ITPR3: variants seen among roughly 807,000 people sequenced by gnomAD.
The protein encoded by ITPR3 is inositol 1,4,5-trisphosphate-gated calcium channel ITPR3.
ITPR3 carries 173 observed loss-of-function variants against 293.2 expected under a neutral mutation model. The ratio of observed to expected loss-of-function variants is 0.59; its 90% CI spans 0.52 to 0.67. The LOEUF (loss-of-function observed/expected upper bound fraction) is 0.67, where lower values mean the gene tolerates loss of function less well. Ranked by LOEUF, ITPR3 falls within the 30% of genes least tolerant of loss-of-function variation. The pLI, the probability that ITPR3 is intolerant of heterozygous loss-of-function variation, is 0.00. For missense variants in ITPR3, 2,796 were observed against 3,592.1 expected (o/e 0.78, Z 5.66); for synonymous variants, 1,295 against 1,444.4 (o/e 0.90, Z 2.35).
At position 33,633,651 on chromosome 6, in the gene ITPR3, A is replaced by G. The variant is rs1247569718; in HGVS notation, c.90-6833A>G. 6.6e-6 allele frequency among the ~76,000 whole-genome samples: 1 copy of G among 150,628 alleles called. No homozygotes were observed. Among genetic ancestry groups the G allele is most frequent in the African/African-American group, 2.4e-5 (1 of 41,212 alleles). ...CGTCCTGGCAGCGGCCGGCAGTCGGAGGCAGGCCGGGGCGAGGCCGCGCTG... is the reference window on the plus strand; with the variant it reads ...CGTCCTGGCAGCGGCCGGCAGTCGGGGGCAGGCCGGGGCGAGGCCGCGCTG... On this transcript the variant is annotated intron_variant, in intron 1 of 57. Coordinates refer to ENST00000605930, the MANE Select transcript of ITPR3 (RefSeq NM_002224.4). The surrounding 1 kb of genome is among the most constrained non-coding windows in gnomAD (Gnocchi z 5.2).
chr6:33,651,618 G>A (rs542647152), intron 2 of ITPR3, among the ~76,000 whole-genome samples: 93 of 152,306 alleles, frequency 6.1e-4, no homozygotes, highest in Admixed American at 2.3e-3. Context: ...CCATGCTTCC[G>A]GGAATCAGGA....
rs773674449 is a variant in ITPR3, at chr6:33,675,069, A to C, written c.3117-622A>C. ...TGTAACATTTTCTCCATCTCTGTTC[A>C]TGGGCCCCGCTTCTATCCATGAATC... On this transcript the variant is annotated intron_variant, in intron 24 of 57. Coordinates refer to ENST00000605930, the MANE Select transcript of ITPR3 (RefSeq NM_002224.4). This position sits in a 1 kb window ranked among gnomAD's most constrained non-coding sequence, Gnocchi z 5.0. Among the ~76,000 whole-genome samples the C allele has an allele frequency of 6.6e-5, 10 of 152,168 alleles. 1 individual carries two copies. The highest frequency in any genetic ancestry group is 1.5e-4 in the Non-Finnish European group (10 of 68,020).
Position 33,687,353 on chromosome 6 carries a change from C to G in ITPR3, c.6177+26C>G, listed in dbSNP as rs1422140183. ...GTACCAGTTCCACCCGTGGCAACGGCCATCACCCCCCTGGCCACCATACCC... is the reference window on the plus strand; with the variant it reads ...GTACCAGTTCCACCCGTGGCAACGGGCATCACCCCCCTGGCCACCATACCC... On this transcript the variant is annotated intron_variant, in intron 45 of 57. Transcript: ENST00000605930. The surrounding 1 kb of genome is among the most constrained non-coding windows in gnomAD (Gnocchi z 5.3). 2 of 1,552,410 alleles carry G rather than the reference C, an allele frequency of 1.3e-6. No homozygotes were observed. Among genetic ancestry groups the G allele is most frequent in the Admixed American group, 3.4e-5 (2 of 57,978 alleles).
At chr6:33,651,292 A>G (rs1042808922) in intron 2 of ITPR3, among the ~76,000 whole-genome samples, 2 of 151,734 alleles carry the variant, frequency 1.3e-5, no homozygotes, top group African/African-American at 2.4e-5. Context: ...AAAAAAAAAA[A>G]AAAGAAAAGT....
At chr6:33,627,544 G>A (rs1763575375) in intron 1 of ITPR3, among the ~76,000 whole-genome samples, 1 of 152,192 alleles carries the variant, frequency 6.6e-6, no homozygotes, top group South Asian at 2.1e-4. Context: ...AATTTTTGCT[G>A]TTAAGAACAA....
Position 33,667,231 on chromosome 6 carries a change from A to G in ITPR3, c.1654A>G (p.Met552Val). 6.2e-7 allele frequency: 1 copy of G among 1,613,846 alleles called. No homozygotes were observed. The highest frequency in any genetic ancestry group is 8.5e-7 in the Non-Finnish European group (1 of 1,179,994). Residue 552 changes from methionine to valine, a missense_variant, in exon 15 of 58, where the codon ATG (methionine) becomes GTG (valine). By Grantham distance (21) the Met-to-Val change is conservative (BLOSUM62 1). This residue lies in a region of ITPR3 where 955 missense variants were observed against 1,180.8 expected (regional missense o/e 0.81). Coordinates refer to ENST00000605930, the MANE Select transcript of ITPR3 (RefSeq NM_002224.4). This position sits in a 1 kb window ranked among gnomAD's most constrained non-coding sequence, Gnocchi z 4.4. ...CCAGAAGAACGCCCCCTACCAGCAC[A>G]TGTTCCGCCTGTGCTACCGCGTGTT... ...SDQKNAPYQH[M>V]FRLCYRVLRH... is the part of the protein sequence containing the mutation.
intron 3 of ITPR3, 109 bp from the exon 4 acceptor site, chr6:33,657,823 G>A (rs1554136424): frequency 3.7e-6 from 3 of 816,010 alleles, no homozygotes; most frequent in Non-Finnish European, 6.1e-6. Flanking sequence ...GACTGTGTGT[G>A]TGTGTGTGTG....
chr6:33,678,698 G>A lies in ITPR3; in HGVS notation c.3831G>A (p.Glu1277=). The A allele has an allele frequency of 6.2e-7, 1 of 1,613,256 alleles. No individual in the cohort carries two copies. Among genetic ancestry groups the A allele is most frequent in the Non-Finnish European group, 8.5e-7 (1 of 1,179,786 alleles). ...TGAACAACTATCAGCTCTGCTCCGA[G>A]ATCAGCGAGCCTGTGTTGCAGCACT... The part of the protein sequence containing the change: ...IFLNNYQLCS[E]ISEPVLQHFV... Residue 1277 remains glutamate, a synonymous_variant, in exon 30 of 58, where the codon GAG becomes GAA. Coordinates refer to ENST00000605930, the MANE Select transcript of ITPR3 (RefSeq NM_002224.4).
intron 2 of ITPR3, among the ~76,000 whole-genome samples, chr6:33,646,264 G>A (rs942500482): frequency 1.3e-5 from 2 of 151,858 alleles, no homozygotes; most frequent in African/African-American, 2.4e-5. Flanking sequence ...CTTCTCCAGG[G>A]GCAACCATAT....
At chr6:33,681,167 A>G (rs771376832) in intron 33 of ITPR3, among the ~76,000 whole-genome samples, 2 of 152,226 alleles carry the variant, frequency 1.3e-5, no homozygotes, top group Non-Finnish European at 2.9e-5. Flanking sequence ...CCCCAAACCT[A>G]GCAGTTAAAA....
intron 43 of ITPR3, 26 bp downstream of exon 43, chr6:33,686,545 G>A: frequency 6.5e-7 from 1 of 1,532,320 alleles, no homozygotes; most frequent in Non-Finnish European, 9.0e-7. Flanking sequence ...AGGTGTGTGA[G>A]TGCTGGGTGT....
chr6:33,661,814 G>T (rs1225538890), intron 7 of ITPR3, among the ~76,000 whole-genome samples: 1 of 151,076 alleles, frequency 6.6e-6, no homozygotes, highest in Non-Finnish European at 1.5e-5. Context: ...GGGCAACATG[G>T]TGAAACCCCG....
At chr6:33,695,461 G>A (rs1249113426) in intron 57 of ITPR3, 14 of 576,024 alleles carry the variant, frequency 2.4e-5, no homozygotes, top group Non-Finnish European at 4.3e-5. Context: ...GCATGAAGAT[G>A]AGGCAGCCTC....
intron 2 of ITPR3, among the ~76,000 whole-genome samples, chr6:33,648,147 C>T (rs1210154070): frequency 1.3e-5 from 2 of 150,916 alleles, no homozygotes; most frequent in East Asian, 1.9e-4. Flanking sequence ...CTTGCTGCAG[C>T]CTTGACCTCC....
chr6:33,641,410 G>A (rs1763948128), intron 2 of ITPR3, among the ~76,000 whole-genome samples: 1 of 152,182 alleles, frequency 6.6e-6, no homozygotes, highest in Non-Finnish European at 1.5e-5. Context: ...GGGGATGCTG[G>A]AAGGGGAGCG....
chr6:33,635,135 C>T (rs1389863828), intron 1 of ITPR3, among the ~76,000 whole-genome samples: 1 of 152,162 alleles, frequency 6.6e-6, no homozygotes, highest in Non-Finnish European at 1.5e-5. Context: ...ATCTGATTCA[C>T]TAATATCTTA....
intron 28 of ITPR3, 118 bp downstream of exon 28, chr6:33,677,747 C>A (rs1764948875): frequency 4.0e-6 from 5 of 1,248,568 alleles, no homozygotes; most frequent in Non-Finnish European, 5.6e-6. Context: ...GCCTCTTACA[C>A]TGCCCTGTTT....
Position 33,684,702 on chromosome 6 carries a change from TC to T in ITPR3, c.5137+18del, listed in dbSNP as rs1481793934. 10 of 1,613,054 alleles carry T rather than the reference TC, an allele frequency of 6.2e-6. No individual in the cohort carries two copies. The highest frequency in any genetic ancestry group is 8.5e-6 in the Non-Finnish European group (10 of 1,179,440). ...CCATAGGCACTGGTCAGTATCACCT[TC>T]CCCTGCCCCCGGGCCCTCCCTTCCA... On this transcript the variant is annotated intron_variant, in intron 38 of 57. Coordinates refer to ENST00000605930, the MANE Select transcript of ITPR3 (RefSeq NM_002224.4). This position sits in a 1 kb window ranked among gnomAD's most constrained non-coding sequence, Gnocchi z 4.2.
intron 18 of ITPR3, among the ~76,000 whole-genome samples, chr6:33,669,940 C>A (rs551412877): frequency 2.0e-5 from 3 of 152,140 alleles, no homozygotes; most frequent in South Asian, 4.1e-4. Context: ...ATTTTGGTAT[C>A]CCCTCTATCA....
Sources: allele counts gnomAD v4.1 joint callset (sites outside exome capture counted in the v4.1 genomes callset), GRCh38; gene constraint gnomAD v4.1.1; regional missense constraint gnomAD v4.1.1; non-coding constraint Gnocchi (gnomAD v3.1); transcripts MANE v1.5; gene names NCBI Gene and HGNC (gene_info 2026-07-23, HGNC 2026-07-21).